The following PRR14L variants were observed in gnomAD, a reference collection of about 807,000 sequenced individuals.
PRR14L encodes proline rich 14 like.
In PRR14L, 80 loss-of-function variants were observed where a neutral mutation model predicts 155.0. The ratio of observed to expected loss-of-function variants is 0.52; its 90% CI spans 0.43 to 0.62. PRR14L has a LOEUF of 0.62. Among genes scored for constraint, PRR14L ranks in the 20% least tolerant of loss-of-function variants. PRR14L has a pLI of 0.00. For missense variants in PRR14L, 2,469 were observed against 2,548.0 expected, an observed-to-expected ratio of 0.97 and a Z score of 0.67; for synonymous variants, 883 against 916.0, an observed-to-expected ratio of 0.96 and a Z score of 0.65.
intron 1 of PRR14L, among the ~76,000 whole-genome samples, chr22:31,748,087 T>C (rs536346105): frequency 3.6e-4 from 54 of 151,738 alleles, no homozygotes; most frequent in South Asian, 2.1e-3. Flanking sequence ...TTAATAACAC[T>C]AGGCGCTGCC....
chr22:31,745,808 T>C (rs1439152318), intron 1 of PRR14L, among the ~76,000 whole-genome samples: 3 of 149,116 alleles, frequency 2.0e-5, no homozygotes, highest in Admixed American at 6.8e-5. Context: ...GATCGCGCCA[T>C]TGCACTTCAG....
Position 31,715,824 on chromosome 22 carries a change from A to G in PRR14L, c.2015T>C (p.Leu672Pro), listed in dbSNP as rs1402311728. 2 of 1,551,700 alleles carry G rather than the reference A, an allele frequency of 1.3e-6. No homozygotes were observed. Among genetic ancestry groups the G allele is most frequent in the South Asian group, 1.2e-5 (1 of 84,040 alleles). Residue 672 changes from leucine to proline, a missense_variant, in exon 4 of 9, where the codon CTG becomes CCG. Physicochemically the swap from Leu to Pro is moderately conservative, Grantham distance 98. Around this residue, in one of 2 missense-constraint regions of PRR14L, gnomAD observed 2,363 missense variants for 2,371.6 expected, o/e 1.00. Coordinates refer to ENST00000327423, the MANE Select transcript of PRR14L (RefSeq NM_173566.3). Reference protein sequence around the residue: ...EHANLPTDSLLHLNKEMPLAT... With the variant: ...EHANLPTDSLPHLNKEMPLAT... ...TAAAGGCATCTCTTTGTTTAAATGC[A>G]GTAGAGAGTCAGTTGGCAAATTTGC...
intron 1 of PRR14L, among the ~76,000 whole-genome samples, chr22:31,744,892 G>A (rs996380806): frequency 3.3e-5 from 5 of 152,126 alleles, no homozygotes; most frequent in African/African-American, 1.2e-4. Context: ...ACTCTTGTTT[G>A]GACCAAATTC....
At position 31,683,976 on chromosome 22, in the gene PRR14L, G is replaced by A. The variant is rs952289490; in HGVS notation, c.*1551C>T. On this transcript the variant is annotated 3_prime_UTR_variant, in exon 9 of 9. Coordinates refer to ENST00000327423, the MANE Select transcript of PRR14L (RefSeq NM_173566.3). ...GGCTGCTCCATGCCAGTGGCTCCCA[G>A]GAGGATATGAAGAGGTGATGCTGGT... 6.6e-6 allele frequency: 1 copy of A among 152,254 alleles called. No individual in the cohort carries two copies. Among genetic ancestry groups the A allele is most frequent in the Admixed American group, 6.6e-5 (1 of 15,266 alleles). 9.4% of individuals were successfully genotyped at this position (152,254 alleles called of 1,614,324 possible).
intron 7 of PRR14L, among the ~76,000 whole-genome samples, chr22:31,691,334 C>A (rs1176810108): frequency 6.6e-6 from 1 of 151,956 alleles, no homozygotes; most frequent in Non-Finnish European, 1.5e-5. Flanking sequence ...CTCAAGCGAT[C>A]CTCCAGTCTC....
chr22:31,690,613 T>C (rs2074506179), intron 7 of PRR14L, among the ~76,000 whole-genome samples: 13 of 152,052 alleles, frequency 8.5e-5, no homozygotes, highest in Admixed American at 8.5e-4. Flanking sequence ...GCTTCCCAAG[T>C]AGCTGGGACC....
At chr22:31,737,975 A>T (rs1302484674) in intron 2 of PRR14L, among the ~76,000 whole-genome samples, 1 of 151,952 alleles carries the variant, frequency 6.6e-6, no homozygotes, top group Non-Finnish European at 1.5e-5. Context: ...AGGTCGTGCC[A>T]CTGCACTCCA....
Position 31,703,684 on chromosome 22 carries a change from A to C in PRR14L, c.5866T>G (p.Cys1956Gly), listed in dbSNP as rs1401366645. 1 of 1,607,994 alleles carries C rather than the reference A, an allele frequency of 6.2e-7. No homozygotes were observed. Among genetic ancestry groups the C allele is most frequent in the East Asian group, 2.2e-5 (1 of 44,476 alleles). ...CTGACAGCTGATTCTGCTACCAAGCAAGACTTTGGTACCAAGGCAGGGAAT... is the reference window on the plus strand; with the variant it reads ...CTGACAGCTGATTCTGCTACCAAGCCAGACTTTGGTACCAAGGCAGGGAAT... ...PPFPALVPKS[C>G]LVAESAVSKL... is the part of the protein sequence containing the mutation. Residue 1956 changes from cysteine to glycine, a missense_variant, in exon 6 of 9, where the codon TGC (cysteine) becomes GGC (glycine). This residue lies in a region of PRR14L where 2,363 missense variants were observed against 2,371.6 expected (regional missense o/e 1.00). Coordinates refer to ENST00000327423, the MANE Select transcript of PRR14L (RefSeq NM_173566.3).
chr22:31,712,251 A>T lies in PRR14L; in HGVS notation c.5588T>A (p.Leu1863Ter), dbSNP rs1411879066. 6.2e-7 allele frequency: 1 copy of T among 1,614,106 alleles called. No homozygotes were observed. Among genetic ancestry groups the T allele is most frequent in the Non-Finnish European group, 8.5e-7 (1 of 1,180,044 alleles). The part of the protein sequence containing the change: ...MTQFTQGLKG[L>*]RSPASIADKV... Reference sequence around the variant, plus strand: ...GTCTGCTATGGAGGCTGGAGACCGTAACCCTTTCAGGCCCTGTGTAAACTG... The same window carrying T: ...GTCTGCTATGGAGGCTGGAGACCGTTACCCTTTCAGGCCCTGTGTAAACTG... The change falls in exon 4 of 9, where the codon TTA (leucine) becomes TAA (stop). Residue 1863 changes from leucine to a stop codon, truncating the protein, a stop_gained. Transcript: ENST00000327423. LOFTEE classifies it high-confidence loss of function.
chr22:31,726,427 G>A (rs993121229), intron 2 of PRR14L, among the ~76,000 whole-genome samples: 6 of 151,542 alleles, frequency 4.0e-5, no homozygotes, highest in African/African-American at 1.5e-4. Context: ...CACTGTGCCC[G>A]GCCTAATTTT....
At chr22:31,726,989 G>T (rs542391729) in intron 2 of PRR14L, among the ~76,000 whole-genome samples, 3 of 152,082 alleles carry the variant, frequency 2.0e-5, no homozygotes, top group African/African-American at 7.2e-5. Flanking sequence ...CTTTTCCAAG[G>T]CTATTGGAGC....
chr22:31,706,266 G>A (rs1232464731), intron 4 of PRR14L, among the ~76,000 whole-genome samples: 2 of 149,298 alleles, frequency 1.3e-5, no homozygotes, highest in Non-Finnish European at 3.0e-5. Flanking sequence ...GGGAGGGTGA[G>A]GCAGGAGAAC....
intron 2 of PRR14L, among the ~76,000 whole-genome samples, chr22:31,728,550 T>C (rs960679262): frequency 6.0e-5 from 9 of 150,818 alleles, no homozygotes; most frequent in Non-Finnish European, 5.9e-5. Context: ...GAGGCGGAGG[T>C]TGCAGTGAGC....
chr22:31,717,036 T>A lies in PRR14L; in HGVS notation c.803A>T (p.Lys268Ile), dbSNP rs771047443. The A allele has an allele frequency of 5.1e-5, 79 of 1,551,716 alleles. No individual in the cohort carries two copies. The highest frequency in any genetic ancestry group is 5.6e-5 in the Non-Finnish European group (64 of 1,147,024). The change falls in exon 4 of 9, where the codon AAA becomes ATA. Residue 268 changes from lysine to isoleucine, a missense_variant. Transcript: ENST00000327423. ...TTTTAATTCTTCACATTCTTTTTCT[T>A]TAGGAGTTGCTTCTGTTAATACAGG... ...VDPVLTEATP[K>I]EKECEELKSC...
chr22:31,727,942 G>A (rs1004629075), intron 2 of PRR14L, among the ~76,000 whole-genome samples: 2 of 150,720 alleles, frequency 1.3e-5, no homozygotes. Flanking sequence ...TCATGCCACT[G>A]CACTCCAGCC....
At chr22:31,747,767 T>A (rs2074847515) in intron 1 of PRR14L, among the ~76,000 whole-genome samples, 1 of 150,184 alleles carries the variant, frequency 6.7e-6, no homozygotes, top group Non-Finnish European at 1.5e-5. Flanking sequence ...GTTTCTTTAG[T>A]GTGCTTTCAG....
chr22:31,705,752 C>A (rs1283973751), intron 4 of PRR14L, among the ~76,000 whole-genome samples: 1 of 151,946 alleles, frequency 6.6e-6, no homozygotes, highest in East Asian at 1.9e-4. Context: ...GTAATCCCAG[C>A]ACTTTGGGAG....
chr22:31,728,977 T>C (rs2074733452), intron 2 of PRR14L, among the ~76,000 whole-genome samples: 1 of 152,224 alleles, frequency 6.6e-6, no homozygotes. Flanking sequence ...TCTCTGATTA[T>C]CTTTGGTGCA....
At chr22:31,721,253 C>G (rs1196641282) in intron 3 of PRR14L, among the ~76,000 whole-genome samples, 1 of 152,186 alleles carries the variant, frequency 6.6e-6, no homozygotes, top group South Asian at 2.1e-4. Flanking sequence ...GTCTGCCCTA[C>G]AGCAATCAAG....
Sources: allele counts gnomAD v4.1 joint callset (sites outside exome capture counted in the v4.1 genomes callset), GRCh38; gene constraint gnomAD v4.1.1; regional missense constraint gnomAD v4.1.1; transcripts MANE v1.5; gene names NCBI Gene and HGNC (gene_info 2026-07-23, HGNC 2026-07-21).